Variants in KALRN observed in about 807,000 individuals in gnomAD.
The protein encoded by KALRN is kalirin.
A neutral mutation model predicts 353.7 loss-of-function variants in KALRN; 70 were observed. The observed-to-expected ratio is 0.20, with a 90% CI of 0.16 to 0.24. The LOEUF (loss-of-function observed/expected upper bound fraction) is 0.24, where lower values mean the gene tolerates loss of function less well. Ranked by LOEUF, KALRN falls within the 10% of genes least tolerant of loss-of-function variation. The pLI, the probability that KALRN is intolerant of heterozygous loss-of-function variation, is 1.00. For synonymous variants in KALRN, 1,391 were observed against 1,434.8 expected (o/e 0.97, Z 0.69); for missense variants, 2,791 against 3,756.7 (o/e 0.74, Z 6.72).
At chr3:124,297,352 A>G (rs1407287745) in intron 5 of KALRN, among the ~76,000 whole-genome samples, 2 of 152,202 alleles carry the variant, frequency 1.3e-5, no homozygotes, top group Non-Finnish European at 2.9e-5. Flanking sequence ...ATGGATTGTG[A>G]GGCTTAAGTA....
chr3:124,081,957 AG>A (rs1352796408), intron 1 of KALRN, among the ~76,000 whole-genome samples: 3 of 152,234 alleles, frequency 2.0e-5, no homozygotes, highest in African/African-American at 7.2e-5. Flanking sequence ...CATCATAAAA[AG>A]AATAGAAATG....
chr3:124,127,672 C>G, intron 1 of KALRN, among the ~76,000 whole-genome samples: 1 of 152,178 alleles, frequency 6.6e-6, no homozygotes, highest in East Asian at 1.9e-4. Flanking sequence ...ACAAAGTGCT[C>G]ATGATTCCAT....
At chr3:124,307,888 A>G (rs1402967090) in intron 6 of KALRN, among the ~76,000 whole-genome samples, 1 of 152,020 alleles carries the variant, frequency 6.6e-6, no homozygotes, top group African/African-American at 2.4e-5. Context: ...TAAAAAATAT[A>G]AGACCCAATC....
rs569015187 is a variant in KALRN, at chr3:124,347,847, C to T, written c.1770+582C>T. On this transcript the variant is annotated intron_variant, in intron 10 of 59. Coordinates refer to ENST00000682506, the MANE Select transcript of KALRN (RefSeq NM_001388419.1). ...TCGTGTGATTTGTACAATATTTAAACTGCCATTTATATAATGTTCAGTCTT... is the reference window on the plus strand; with the variant it reads ...TCGTGTGATTTGTACAATATTTAAATTGCCATTTATATAATGTTCAGTCTT... 3.9e-5 allele frequency among the ~76,000 whole-genome samples: 6 copies of T among 152,322 alleles called. No individual in the cohort carries two copies. The East Asian group carries it at 1.2e-3, about 29-fold the overall frequency.
rs1426881270 is a variant in KALRN, at chr3:124,724,736, CAT to C, written c.*5269_*5270del. The C allele has an allele frequency of 6.6e-6, 1 of 152,086 alleles. No homozygotes were observed. The highest frequency in any genetic ancestry group is 1.5e-5 in the Non-Finnish European group (1 of 67,990). The allele number at this position is 152,086 out of a possible 1,614,324, so 9.4% of individuals were successfully genotyped here. ...TAGTAGAATACAGATTATCATAAAA[CAT>C]ATTTTCTATGAAAGGCATTTCTTCC... On this transcript the variant is annotated 3_prime_UTR_variant, in exon 60 of 60. Coordinates refer to ENST00000682506, the MANE Select transcript of KALRN (RefSeq NM_001388419.1).
intron 25 of KALRN, among the ~76,000 whole-genome samples, chr3:124,466,884 G>A (rs746079959): frequency 2.0e-5 from 3 of 152,220 alleles, no homozygotes; most frequent in Non-Finnish European, 2.9e-5. Context: ...CAGCTTCCAT[G>A]TGGATCTTAG....
intron 34 of KALRN, chr3:124,584,542 C>G (rs1183358787): frequency 9.2e-7 from 1 of 1,088,510 alleles, no homozygotes; most frequent in African/African-American, 1.7e-5. Context: ...CCACAGGCAG[C>G]GTTACATGAG....
At chr3:124,102,065 A>G (rs2061914070) in intron 1 of KALRN, among the ~76,000 whole-genome samples, 1 of 152,194 alleles carries the variant, frequency 6.6e-6, no homozygotes, top group African/African-American at 2.4e-5. Context: ...GGGTTTTTCT[A>G]ATTAGAGGAG....
At chr3:124,587,691 C>G (rs1307289951) in intron 34 of KALRN, among the ~76,000 whole-genome samples, 1 of 125,132 alleles carries the variant, frequency 8.0e-6, no homozygotes, top group Non-Finnish European at 1.8e-5. Flanking sequence ...TCCACCCCCA[C>G]CCTCCACTTT....
chr3:124,616,965 CAAAAA>C (rs10707283), intron 34 of KALRN, among the ~76,000 whole-genome samples: 3 of 125,628 alleles, frequency 2.4e-5, no homozygotes, highest in Non-Finnish European at 1.7e-5. Flanking sequence ...ACTCCATCTC[CAAAAA>C]AAAAAAAAAA....
intron 1 of KALRN, among the ~76,000 whole-genome samples, chr3:124,202,210 CTT>C (rs1368968065): frequency 6.6e-6 from 1 of 152,162 alleles, no homozygotes; most frequent in Non-Finnish European, 1.5e-5. Context: ...AAAGTTCCCT[CTT>C]TGTGTAGAGA....
chr3:124,486,148 A>G (rs1308911796), intron 28 of KALRN, among the ~76,000 whole-genome samples: 1 of 152,184 alleles, frequency 6.6e-6, no homozygotes, highest in African/African-American at 2.4e-5. Context: ...AAAGGATCCT[A>G]AATTAAATGT....
Position 124,644,283 on chromosome 3 carries a change from G to C in KALRN, c.5665-6525G>C, listed in dbSNP as rs150928582. ...TCTGGCTTATTTCACTCAGCATCAT[G>C]TCCTTCAGGTCCATCTGTGTTGTGG... On this transcript the variant is annotated intron_variant, in intron 37 of 59. Coordinates refer to ENST00000682506, the MANE Select transcript of KALRN (RefSeq NM_001388419.1). Among the ~76,000 whole-genome samples the C allele has an allele frequency of 1.9e-3, 288 of 152,212 alleles. 1 individual carries two copies. Among genetic ancestry groups the C allele is most frequent in the African/African-American group, 6.6e-3 (276 of 41,518 alleles).
At chr3:124,711,896 T>G (rs2062904940) in intron 57 of KALRN, among the ~76,000 whole-genome samples, 1 of 152,246 alleles carries the variant, frequency 6.6e-6, no homozygotes, top group African/African-American at 2.4e-5. Flanking sequence ...CTATTTTCTT[T>G]ACTTTTGTGT....
intron 33 of KALRN, among the ~76,000 whole-genome samples, chr3:124,526,370 C>A (rs2067590992): frequency 6.6e-6 from 1 of 151,916 alleles, no homozygotes; most frequent in Non-Finnish European, 1.5e-5. Flanking sequence ...CCCAGGAGTT[C>A]GAGACCAGCA....
At chr3:124,589,506 T>C (rs1030777803) in intron 34 of KALRN, among the ~76,000 whole-genome samples, 1 of 152,090 alleles carries the variant, frequency 6.6e-6, no homozygotes, top group African/African-American at 2.4e-5. Context: ...GGTGGGAGGA[T>C]CGGTTGAGCC....
intron 1 of KALRN, among the ~76,000 whole-genome samples, chr3:124,154,716 C>T (rs1319262200): frequency 6.6e-5 from 10 of 152,156 alleles, no homozygotes; most frequent in Admixed American, 3.3e-4. Flanking sequence ...AATGCCATCC[C>T]ATCAAGCTAC....
At chr3:124,441,912 G>T (rs753302255) in intron 18 of KALRN, 33 bp from the exon 19 acceptor site, 1 of 1,381,522 alleles carries the variant, frequency 7.2e-7, no homozygotes, top group Non-Finnish European at 1.0e-6. Context: ...TACACCTGCT[G>T]GGACAGGGGC....
intron 58 of KALRN, among the ~76,000 whole-genome samples, chr3:124,715,528 G>T (rs1217576551): frequency 6.6e-6 from 1 of 152,202 alleles, no homozygotes; most frequent in Non-Finnish European, 1.5e-5. Context: ...CATTTAACAA[G>T]CCCAATCCTA....
Sources: allele counts gnomAD v4.1 joint callset (sites outside exome capture counted in the v4.1 genomes callset), GRCh38; gene constraint gnomAD v4.1.1; transcripts MANE v1.5; gene names NCBI Gene and HGNC (gene_info 2026-07-23, HGNC 2026-07-21).